Variants in DCDC1 observed in about 807,000 individuals in gnomAD.
DCDC1 encodes the protein doublecortin domain-containing protein 1.
In DCDC1, 200 loss-of-function variants were observed where a neutral mutation model predicts 178.3. The ratio of observed to expected loss-of-function variants is 1.12; its 90% CI spans 1.00 to 1.26. The LOEUF is 1.26. Among genes scored for constraint, DCDC1 ranks in the 50% most tolerant of loss-of-function variants. DCDC1 has a pLI of 0.00. For synonymous variants in DCDC1, 690 were observed against 604.8 expected (o/e 1.14, Z -2.07); for missense variants, 1,983 against 1,749.2 (o/e 1.13, Z -2.38).
At chr11:30,971,503 T>C (rs1247974062) in intron 20 of DCDC1, among the ~76,000 whole-genome samples, 1 of 149,948 alleles carries the variant, frequency 6.7e-6, no homozygotes, top group African/African-American at 2.4e-5. Flanking sequence ...ATCCTAGGAA[T>C]GAAATAATCC....
chr11:31,201,910 A>G (rs780172036), intron 9 of DCDC1, among the ~76,000 whole-genome samples: 2 of 152,212 alleles, frequency 1.3e-5, no homozygotes, highest in Admixed American at 6.5e-5. Flanking sequence ...AAGATGTGTC[A>G]GAGCTAGCAT....
chr11:31,068,896 T>C (rs929353271), intron 18 of DCDC1, among the ~76,000 whole-genome samples: 1 of 151,874 alleles, frequency 6.6e-6, no homozygotes, highest in Non-Finnish European at 1.5e-5. Context: ...CTGTAGCCCA[T>C]GCTGGAATGC....
chr11:30,893,102 T>C (rs1590252299), intron 35 of DCDC1, 105 bp from the exon 36 acceptor site: 7 of 1,328,380 alleles, frequency 5.3e-6, no homozygotes, highest in Middle Eastern at 2.7e-4. Flanking sequence ...ATAAATTATA[T>C]GGAAAAAATT....
At chr11:31,336,362 G>A (rs1388366886) in intron 1 of DCDC1, among the ~76,000 whole-genome samples, 3 of 152,242 alleles carry the variant, frequency 2.0e-5, no homozygotes, top group Admixed American at 6.5e-5. Flanking sequence ...TATCTGGCAA[G>A]TGTGAAGAAC....
At chr11:31,187,492 A>AAAAC (rs972867800) in intron 9 of DCDC1, among the ~76,000 whole-genome samples, 6 of 152,206 alleles carry the variant, frequency 3.9e-5, no homozygotes, top group Non-Finnish European at 7.3e-5. Context: ...TCCTGAAAGC[A>AAAAC]AAACAAACAA....
intron 38 of DCDC1, among the ~76,000 whole-genome samples, chr11:30,868,242 CTTTTTTTTTTTTTT>C (rs35180579): frequency 4.9e-5 from 3 of 61,042 alleles, no homozygotes; most frequent in Non-Finnish European, 8.9e-5. Flanking sequence ...TTCATACCTG[CTTTTTTTTTTTTTT>C]TTTTTTTTTT....
chr11:31,276,003 T>G (rs1251833865), intron 7 of DCDC1, among the ~76,000 whole-genome samples: 1 of 152,156 alleles, frequency 6.6e-6, no homozygotes, highest in Non-Finnish European at 1.5e-5. Context: ...TATGAAAGAG[T>G]ACAAACTCCA....
chr11:31,253,278 T>G (rs1168793967), intron 8 of DCDC1, among the ~76,000 whole-genome samples: 1 of 152,124 alleles, frequency 6.6e-6, no homozygotes, highest in Non-Finnish European at 1.5e-5. Context: ...TTCTTACTAA[T>G]TATTTATTTG....
At chr11:31,229,330 C>T (rs900865472) in intron 9 of DCDC1, among the ~76,000 whole-genome samples, 7 of 151,920 alleles carry the variant, frequency 4.6e-5, no homozygotes, top group African/African-American at 1.7e-4. Context: ...CCCTCAAGAT[C>T]AGAGATATAA....
intron 20 of DCDC1, among the ~76,000 whole-genome samples, chr11:31,001,972 A>G (rs1377409023): frequency 6.6e-6 from 1 of 152,214 alleles, no homozygotes; most frequent in Non-Finnish European, 1.5e-5. Flanking sequence ...TAAATATGCT[A>G]TGTTCAGTGA....
In DCDC1 at chr11:31,305,726, C is replaced by T. The variant is rs759029974; in HGVS notation, c.643G>A (p.Val215Met). ...GCTTCCTTGCCGTCTGCCAAGAACA[C>T]TCGTCTTGCGGCCATGTTCAGATTC... is the stretch of plus-strand genomic sequence containing the variant. ...KLNLNMAARR[V>M]FLADGKEALE... Residue 215 changes from valine to methionine, a missense_variant, in exon 6 of 39, where the codon GTG (valine) becomes ATG (methionine). By Grantham distance (21) the Val-to-Met change is conservative. Transcript: ENST00000684477. 1.9e-6 allele frequency: 3 copies of T among 1,613,758 alleles called. No homozygotes were observed. The highest frequency in any genetic ancestry group is 2.5e-6 in the Non-Finnish European group (3 of 1,179,850).
intron 8 of DCDC1, among the ~76,000 whole-genome samples, chr11:31,250,095 C>T (rs1398586921): frequency 4.0e-5 from 6 of 151,790 alleles, no homozygotes; most frequent in Non-Finnish European, 8.8e-5. Flanking sequence ...CTGTGGCTAC[C>T]ATCTATTGTC....
In DCDC1 at chr11:31,306,239, A is replaced by G; in HGVS notation, c.584T>C (p.Ile195Thr). Reference sequence around the variant, plus strand: ...CTTTGGAACACTAGTTACCAAGGTGATGGTTGGTACAGTAACTCTGGCAAA... The same window carrying G: ...CTTTGGAACACTAGTTACCAAGGTGGTGGTTGGTACAGTAACTCTGGCAAA... ...TVFARVTVPT[I>T]TLLLEECTEK... Residue 195 changes from isoleucine to threonine, a missense_variant, in exon 5 of 39, where the codon ATC becomes ACC. Coordinates refer to ENST00000684477, the MANE Select transcript of DCDC1 (RefSeq NM_001387274.1). 6.5e-7 allele frequency: 1 copy of G among 1,548,578 alleles called. No individual in the cohort carries two copies. The highest frequency in any genetic ancestry group is 8.7e-7 in the Non-Finnish European group (1 of 1,148,118).
intron 20 of DCDC1, among the ~76,000 whole-genome samples, chr11:30,963,086 T>A (rs1385357828): frequency 6.6e-6 from 1 of 152,058 alleles, no homozygotes; most frequent in Non-Finnish European, 1.5e-5. Context: ...CTCCCTAAAG[T>A]TTCCATATTT....
chr11:31,032,317 T>C (rs766456704), intron 20 of DCDC1, among the ~76,000 whole-genome samples: 2 of 152,186 alleles, frequency 1.3e-5, no homozygotes, highest in Non-Finnish European at 2.9e-5. Flanking sequence ...TAAGTACTAA[T>C]ATTATGTGAC....
chr11:30,906,854 A>G, intron 29 of DCDC1, 129 bp from the exon 30 acceptor site: 1 of 885,034 alleles, frequency 1.1e-6, no homozygotes, highest in Non-Finnish European at 1.5e-6. Context: ...TTTTATGCTA[A>G]ATTTAAATTT....
intron 20 of DCDC1, among the ~76,000 whole-genome samples, chr11:31,061,613 C>T (rs763342360): frequency 2.0e-5 from 3 of 152,050 alleles, no homozygotes; most frequent in African/African-American, 4.8e-5. Context: ...GAGCCTATCA[C>T]ATAAACCCTG....
At chr11:30,869,906 G>C (rs910780904) in intron 38 of DCDC1, among the ~76,000 whole-genome samples, 4 of 152,152 alleles carry the variant, frequency 2.6e-5, no homozygotes, top group Middle Eastern at 3.4e-3. Flanking sequence ...GACATGATAT[G>C]ATTCTTATTC....
At chr11:31,313,477 T>C (rs770296258) in intron 3 of DCDC1, among the ~76,000 whole-genome samples, 31 of 152,310 alleles carry the variant, frequency 2.0e-4, no homozygotes, top group Admixed American at 3.9e-4. Flanking sequence ...CTCCAGAATA[T>C]TCCTTGCTCG....
Sources: allele counts gnomAD v4.1 joint callset (sites outside exome capture counted in the v4.1 genomes callset), GRCh38; gene constraint gnomAD v4.1.1; transcripts MANE v1.5; gene names NCBI Gene and HGNC (gene_info 2026-07-23, HGNC 2026-07-21).